Variants in SLC26A4 observed in about 807,000 individuals in gnomAD.
SLC26A4 encodes pendrin.
Under a neutral mutation model 90.4 loss-of-function variants are expected in SLC26A4, and 93 were observed. The observed-to-expected ratio is 1.03, with a 90% CI of 0.87 to 1.22. The LOEUF is 1.22. SLC26A4 is among the 50% of genes most tolerant of loss of function. SLC26A4 has a pLI of 0.00. For missense variants in SLC26A4, 1,127 were observed against 946.2 expected, an observed-to-expected ratio of 1.19 and a Z score of -2.51; for synonymous variants, 393 against 354.6, an observed-to-expected ratio of 1.11 and a Z score of -1.22.
chr7:107,716,782 A>G lies in SLC26A4; in HGVS notation c.*1336A>G, dbSNP rs943112886. On this transcript the variant is annotated 3_prime_UTR_variant, in exon 21 of 21. Coordinates refer to ENST00000644269, the MANE Select transcript of SLC26A4 (RefSeq NM_000441.2). ...ATTGAAAACGACATCATCCCTTGGT[A>G]TACTCCAGGGATTGGTTTCAGGACC... 10 of 152,144 alleles carry G rather than the reference A, an allele frequency of 6.6e-5. No homozygotes were observed. The highest frequency in any genetic ancestry group is 6.5e-4 in the Admixed American group (10 of 15,280). 9.4% of individuals were successfully genotyped at this position (152,144 alleles called of 1,614,324 possible).
At chr7:107,686,441 C>CCTTCTTTCTTTTCTTTCTTTCTT (rs1791419268) in intron 8 of SLC26A4, among the ~76,000 whole-genome samples, 16 of 116,724 alleles carry the variant, frequency 1.4e-4, no homozygotes, top group African/African-American at 5.5e-4. Flanking sequence ...TTCTTTCTTT[C>CCTTCTTTCTTTTCTTTCTTTCTT]TTTCTTTCTT....
intron 10 of SLC26A4, among the ~76,000 whole-genome samples, chr7:107,694,129 A>G (rs1198064661): frequency 6.6e-6 from 1 of 152,210 alleles, no homozygotes; most frequent in Non-Finnish European, 1.5e-5. Context: ...TACTATCACC[A>G]AATAAAATCC....
intron 8 of SLC26A4, among the ~76,000 whole-genome samples, 194 bp from the exon 9 acceptor site, chr7:107,688,859 T>C (rs549425115): frequency 6.6e-6 from 1 of 152,338 alleles, no homozygotes; most frequent in African/African-American, 2.4e-5. Context: ...AATCAGCCAG[T>C]AAGATAACAC....
At chr7:107,703,381 G>A (rs1005664936) in intron 17 of SLC26A4, among the ~76,000 whole-genome samples, 4 of 152,222 alleles carry the variant, frequency 2.6e-5, no homozygotes, top group Non-Finnish European at 5.9e-5. Context: ...GGGAGGAAAT[G>A]ATTCCAGGAT....
chr7:107,665,416 T>C (rs532171562), intron 3 of SLC26A4, among the ~76,000 whole-genome samples: 33 of 152,130 alleles, frequency 2.2e-4, no homozygotes, highest in African/African-American at 7.9e-4. Context: ...GGTTCCTAAG[T>C]TAAACAATGC....
chr7:107,713,251 C>T (rs143680702), intron 20 of SLC26A4, among the ~76,000 whole-genome samples: 1 of 152,322 alleles, frequency 6.6e-6, no homozygotes, highest in African/African-American at 2.4e-5. Flanking sequence ...CATTCTAGCC[C>T]ATGCAGAAAT....
chr7:107,715,788 G>C lies in SLC26A4; in HGVS notation c.*342G>C. On this transcript the variant is annotated 3_prime_UTR_variant, in exon 21 of 21. Coordinates refer to ENST00000644269, the MANE Select transcript of SLC26A4 (RefSeq NM_000441.2). ...CTGACCCAACAGCCTCTGTGGTCAA[G>C]CGAGTCACGAATGATTAATCATAAA... is the stretch of plus-strand genomic sequence containing the variant. 2.8e-6 allele frequency: 1 copy of C among 355,602 alleles called. No individual in the cohort carries two copies. The highest frequency in any genetic ancestry group is 4.1e-5 in the Admixed American group (1 of 24,532). The allele number at this position is 355,602 out of a possible 1,614,324, so 22.0% of individuals were successfully genotyped here.
intron 3 of SLC26A4, among the ~76,000 whole-genome samples, chr7:107,665,955 T>C (rs1790698991): frequency 6.6e-6 from 1 of 152,182 alleles, no homozygotes; most frequent in Non-Finnish European, 1.5e-5. Context: ...TCTGGGAGGT[T>C]AATCTGGCTC....
intron 3 of SLC26A4, among the ~76,000 whole-genome samples, chr7:107,666,246 G>A (rs947506862): frequency 1.3e-5 from 2 of 152,156 alleles, no homozygotes; most frequent in Non-Finnish European, 2.9e-5. Flanking sequence ...TTTTGAGACA[G>A]GGTCTTGCTC....
chr7:107,715,644 A>G lies in SLC26A4; in HGVS notation c.*198A>G, dbSNP rs1451532051. On this transcript the variant is annotated 3_prime_UTR_variant, in exon 21 of 21. Coordinates refer to ENST00000644269, the MANE Select transcript of SLC26A4 (RefSeq NM_000441.2). The stretch of plus-strand genomic sequence containing the variant: ...ATGGGCAAAATGGCTAGAATTATTC[A>G]GACGATTTGGCAGCGTCCAGGGTAA... 3 of 613,866 alleles carry G rather than the reference A, an allele frequency of 4.9e-6. No individual in the cohort carries two copies. The East Asian group carries it at 8.3e-5, about 17-fold the overall frequency. 38.0% of individuals were successfully genotyped at this position (613,866 alleles called of 1,614,324 possible).
intron 6 of SLC26A4, among the ~76,000 whole-genome samples, chr7:107,679,678 G>A (rs1405705078): frequency 3.3e-5 from 5 of 150,878 alleles, no homozygotes; most frequent in African/African-American, 1.2e-4. Flanking sequence ...GGAATACTAA[G>A]CTAAAATACA....
At chr7:107,665,806 A>G (rs1001580421) in intron 3 of SLC26A4, among the ~76,000 whole-genome samples, 4 of 152,196 alleles carry the variant, frequency 2.6e-5, no homozygotes, top group African/African-American at 9.6e-5. Flanking sequence ...AATCTATTAA[A>G]TCTTGCCCAG....
At position 107,675,113 on chromosome 7, in the gene SLC26A4, A is replaced by C. The variant is rs774353111; in HGVS notation, c.765+4A>C. On this transcript the variant is annotated splice_donor_region_variant and intron_variant, in intron 6 of 20. Transcript: ENST00000644269. ...TGGAGTTCTCTCTATTATCTATGTAAGTGTTGCTTCTTGCTCCAGGGATGG... is the reference window on the plus strand; with the variant it reads ...TGGAGTTCTCTCTATTATCTATGTACGTGTTGCTTCTTGCTCCAGGGATGG... 43 of 1,613,186 alleles carry C rather than the reference A, an allele frequency of 2.7e-5. No individual in the cohort carries two copies. The highest frequency in any genetic ancestry group is 3.3e-4 in the Middle Eastern group (2 of 6,084).
chr7:107,676,588 A>C (rs1275140351), intron 6 of SLC26A4, among the ~76,000 whole-genome samples: 1 of 152,232 alleles, frequency 6.6e-6, no homozygotes, highest in Non-Finnish European at 1.5e-5. Context: ...TAATAGTAAC[A>C]TGATGTCATC....
chr7:107,687,584 T>G (rs1448453678), intron 8 of SLC26A4, among the ~76,000 whole-genome samples: 2 of 152,178 alleles, frequency 1.3e-5, no homozygotes, highest in East Asian at 3.8e-4. Flanking sequence ...ATGCCTAAAG[T>G]CATTTGAGAG....
At chr7:107,696,737 C>T (rs1262020220) in intron 13 of SLC26A4, among the ~76,000 whole-genome samples, 1 of 151,962 alleles carries the variant, frequency 6.6e-6, no homozygotes, top group East Asian at 1.9e-4. Context: ...AGGTGAGGAG[C>T]CTGAAGGTGG....
intron 15 of SLC26A4, among the ~76,000 whole-genome samples, 165 bp downstream of exon 15, chr7:107,700,340 A>C (rs560909604): frequency 1.3e-5 from 2 of 152,188 alleles, no homozygotes; most frequent in Non-Finnish European, 2.9e-5. Context: ...AATAATTTAC[A>C]GTCTATTTGG....
At chr7:107,674,381 G>A (rs1486721697) in intron 5 of SLC26A4, 33 bp downstream of exon 5, 19 of 1,453,248 alleles carry the variant, frequency 1.3e-5, no homozygotes, top group Non-Finnish European at 1.8e-5. Flanking sequence ...ATAGATGGAT[G>A]TAATTTTTAT....
intron 3 of SLC26A4, among the ~76,000 whole-genome samples, chr7:107,671,147 G>A (rs1253654332): frequency 2.0e-5 from 3 of 152,100 alleles, no homozygotes; most frequent in Non-Finnish European, 4.4e-5. Flanking sequence ...AGCCTTTGGA[G>A]TGAATTGACC....
Sources: gnomAD v4.1 joint callset for allele counts (sites outside exome capture counted in the v4.1 genomes callset) on GRCh38, gnomAD v4.1.1 for gene constraint, MANE v1.5 for transcripts, NCBI Gene and HGNC (gene_info 2026-07-23, HGNC 2026-07-21) for gene names.